PIGK: variants seen among roughly 807,000 people sequenced by gnomAD.
The protein encoded by PIGK is phosphatidylinositol glycan anchor biosynthesis class K, also known as GPI-anchor transamidase.
A neutral mutation model predicts 50.6 loss-of-function variants in PIGK; 42 were observed. The ratio of observed to expected loss-of-function variants is 0.83; its 90% confidence interval spans 0.65 to 1.07. PIGK has a LOEUF of 1.07. Among genes scored for constraint, PIGK ranks in the 50% least tolerant of loss-of-function variants. The pLI is 0.00. For synonymous variants in PIGK, 151 were observed against 156.0 expected (o/e 0.97, Z 0.24); for missense variants, 448 against 488.7 (o/e 0.92, Z 0.78).
At chr1:77,145,162 T>C (rs1654739330) in intron 9 of PIGK, among the ~76,000 whole-genome samples, 1 of 152,002 alleles carries the variant, frequency 6.6e-6, no homozygotes, top group Admixed American at 6.5e-5. Context: ...CTCAAAGAGA[T>C]GTTACTATTG....
At chr1:77,165,379 T>C (rs1414463170) in intron 5 of PIGK, among the ~76,000 whole-genome samples, 1 of 152,098 alleles carries the variant, frequency 6.6e-6, no homozygotes, top group African/African-American at 2.4e-5. Context: ...TGAGTTAATT[T>C]ATAAAGTTTA....
intron 3 of PIGK, among the ~76,000 whole-genome samples, chr1:77,192,296 AAATT>A (rs1655926572): frequency 9.4e-6 from 1 of 106,766 alleles, no homozygotes; most frequent in Non-Finnish European, 1.7e-5. Context: ...AGATGAAATC[AAATT>A]AATTAGAAGA....
intron 10 of PIGK, among the ~76,000 whole-genome samples, chr1:77,120,232 C>A (rs1159029490): frequency 6.6e-6 from 1 of 152,066 alleles, no homozygotes; most frequent in African/African-American, 2.4e-5. Flanking sequence ...ATTTATTTAT[C>A]AAGACAGGGT....
chr1:77,218,664 G>C lies in PIGK; in HGVS notation c.93+646C>G, dbSNP rs557150045. On this transcript the variant is annotated intron_variant, in intron 1 of 10. Transcript: ENST00000370812. ...CAGCTGGATATGCAGGCCTGAAAAA[G>C]ATACCAGACATCTAGATTGTAGACC... is the stretch of plus-strand genomic sequence containing the variant. Among the ~76,000 whole-genome samples, 5 of 152,232 alleles carry C rather than the reference G, an allele frequency of 3.3e-5. No individual in the cohort carries two copies. The South Asian group carries it at 1.0e-3, about 32-fold the overall frequency.
intron 8 of PIGK, 134 bp downstream of exon 8, chr1:77,161,161 G>T: frequency 1.6e-6 from 1 of 615,806 alleles, no homozygotes. Context: ...GTAAAAGGTA[G>T]ATATCAAATA....
At chr1:77,095,747 A>G (rs575049418) in intron 10 of PIGK, among the ~76,000 whole-genome samples, 4 of 152,078 alleles carry the variant, frequency 2.6e-5, no homozygotes, top group Non-Finnish European at 5.9e-5. Context: ...AAAAACAGGC[A>G]TAAGTGGCAT....
At chr1:77,211,731 G>A (rs1297760043) in intron 1 of PIGK, among the ~76,000 whole-genome samples, 2 of 150,738 alleles carry the variant, frequency 1.3e-5, no homozygotes, top group Non-Finnish European at 3.0e-5. Context: ...TTTAATATTG[G>A]TCACAATATT....
At position 77,161,724 on chromosome 1, in the gene PIGK, T is replaced by C. The variant is rs1655133323; in HGVS notation, c.585-13A>G. 1 of 1,012,180 alleles carries C rather than the reference T, an allele frequency of 9.9e-7. No individual in the cohort carries two copies. Among genetic ancestry groups the C allele is most frequent in the Non-Finnish European group, 1.6e-6 (1 of 632,704 alleles). The allele number at this position is 1,012,180 out of a possible 1,614,324, so 62.7% of individuals were successfully genotyped here. A position where few individuals can be genotyped will look rare whatever the true frequency, so the allele number is the denominator to read the frequency against. On this transcript the variant is annotated splice_polypyrimidine_tract_variant and intron_variant, in intron 6 of 10. Transcript: ENST00000370812. ...TAGCTCATTGTAGCTGAAAGAAAAA[T>C]GATAACATCTTTGACAAGGATCATG...
In PIGK at chr1:77,166,839, G is replaced by GA. The variant is rs755815142; in HGVS notation, c.376-10dup. Reference sequence around the variant, plus strand: ...AAATTCTCCACAGTTACCTAAGGGGGAAAAAACAAGAAAAATCAGATGAAA... The same window carrying GA: ...AAATTCTCCACAGTTACCTAAGGGGGAAAAAAACAAGAAAAATCAGATGAAA... On this transcript the variant is annotated splice_polypyrimidine_tract_variant and intron_variant, in intron 4 of 10. Coordinates refer to ENST00000370812, the MANE Select transcript of PIGK (RefSeq NM_005482.3). The GA allele has an allele frequency of 6.8e-6, 8 of 1,170,520 alleles. No individual in the cohort carries two copies. Among genetic ancestry groups the GA allele is most frequent in the South Asian group, 1.3e-5 (1 of 74,860 alleles). The allele number at this position is 1,170,520 out of a possible 1,614,324, so 72.5% of individuals were successfully genotyped here.
intron 10 of PIGK, among the ~76,000 whole-genome samples, chr1:77,106,134 A>G (rs1309841830): frequency 1.3e-5 from 2 of 152,242 alleles, no homozygotes; most frequent in Non-Finnish European, 2.9e-5. Context: ...ATGGGCAAAC[A>G]GTTAATGGGA....
chr1:77,166,880 C>A (rs1447490118), intron 4 of PIGK, 50 bp from the exon 5 acceptor site: 1 of 855,382 alleles, frequency 1.2e-6, no homozygotes, highest in Non-Finnish European at 1.9e-6. Context: ...CCTGGGAAAT[C>A]TTGACAAATT....
intron 3 of PIGK, among the ~76,000 whole-genome samples, chr1:77,189,302 T>G (rs983197557): frequency 6.6e-6 from 1 of 152,158 alleles, no homozygotes; most frequent in South Asian, 2.1e-4. Flanking sequence ...TGGGTTCAAG[T>G]TGACAAGGGA....
chr1:77,212,868 C>T (rs1169886850), intron 1 of PIGK, among the ~76,000 whole-genome samples: 2 of 152,116 alleles, frequency 1.3e-5, no homozygotes, highest in Non-Finnish European at 2.9e-5. Flanking sequence ...GTGGGGACTT[C>T]AACACTCCAC....
At chr1:77,191,385 T>A (rs1655900211) in intron 3 of PIGK, among the ~76,000 whole-genome samples, 1 of 152,256 alleles carries the variant, frequency 6.6e-6, no homozygotes, top group African/African-American at 2.4e-5. Context: ...TAATGATCTG[T>A]ACTGACTTAG....
intron 9 of PIGK, among the ~76,000 whole-genome samples, chr1:77,126,375 G>A (rs1654230945): frequency 6.6e-6 from 1 of 151,122 alleles, no homozygotes; most frequent in Non-Finnish European, 1.5e-5. Context: ...TTGCAATGGA[G>A]GGTGAACGGA....
intron 9 of PIGK, among the ~76,000 whole-genome samples, chr1:77,127,507 TG>T (rs1654258963): frequency 1.3e-5 from 2 of 152,198 alleles, no homozygotes; most frequent in South Asian, 2.1e-4. Context: ...GATACCAGCC[TG>T]GGTTACATAG....
At chr1:77,110,225 C>T (rs970228911) in intron 10 of PIGK, among the ~76,000 whole-genome samples, 1 of 152,092 alleles carries the variant, frequency 6.6e-6, no homozygotes, top group Admixed American at 6.6e-5. Flanking sequence ...CCATCAAGTG[C>T]CAATGACTTT....
intron 10 of PIGK, among the ~76,000 whole-genome samples, chr1:77,113,998 G>A (rs899536838): frequency 6.6e-6 from 1 of 152,064 alleles, no homozygotes; most frequent in Non-Finnish European, 1.5e-5. Flanking sequence ...CTTTAGCCCA[G>A]TATCTAAATA....
chr1:77,201,635 G>C (rs1178820942), intron 3 of PIGK, among the ~76,000 whole-genome samples: 1 of 152,108 alleles, frequency 6.6e-6, no homozygotes, highest in South Asian at 2.1e-4. Flanking sequence ...CAGCTACTCA[G>C]GAGGCTGAGG....
Sources: allele counts gnomAD v4.1 joint callset (sites outside exome capture counted in the v4.1 genomes callset), GRCh38; gene constraint gnomAD v4.1.1; transcripts MANE v1.5; gene names NCBI Gene and HGNC (gene_info 2026-07-23, HGNC 2026-07-21).